Variants in CCNY observed in about 807,000 individuals in gnomAD.
CCNY encodes cyclin-Y.
CCNY carries 19 observed loss-of-function variants against 42.8 expected under a neutral mutation model. The ratio of observed to expected loss-of-function variants is 0.44; its 90% CI spans 0.31 to 0.65. The LOEUF (loss-of-function observed/expected upper bound fraction) is 0.65. CCNY is among the 30% of genes least tolerant of loss of function. CCNY has a pLI of 0.07. For missense variants in CCNY, 370 were observed against 437.3 expected (o/e 0.85, Z 1.37); for synonymous variants, 165 against 162.7 (o/e 1.01, Z -0.11).
chr10:35,408,102 G>A (rs377692562), intron 1 of CCNY, among the ~76,000 whole-genome samples: 10 of 152,326 alleles, frequency 6.6e-5, no homozygotes, highest in Non-Finnish European at 1.2e-4. Context: ...GAAAGAGGTT[G>A]AGGGATAGTG....
chr10:35,382,653 A>C (rs1276015307), intron 1 of CCNY, among the ~76,000 whole-genome samples: 1 of 152,052 alleles, frequency 6.6e-6, no homozygotes, highest in African/African-American at 2.4e-5. Flanking sequence ...TCCAGTAAAG[A>C]ATTACCGGGC....
At chr10:35,408,317 G>T (rs141652060) in intron 1 of CCNY, among the ~76,000 whole-genome samples, 10 of 152,334 alleles carry the variant, frequency 6.6e-5, no homozygotes, top group Non-Finnish European at 1.2e-4. Flanking sequence ...CATGTGAAGA[G>T]ACCACAAAAC....
intron 1 of CCNY, among the ~76,000 whole-genome samples, chr10:35,438,684 A>G (rs1029888949): frequency 1.3e-5 from 2 of 152,216 alleles, no homozygotes; most frequent in East Asian, 1.9e-4. Context: ...GTTTGCTTCA[A>G]TTGTCAAATG....
chr10:35,346,713 G>A (rs750866650), intron 1 of CCNY, among the ~76,000 whole-genome samples: 10 of 152,144 alleles, frequency 6.6e-5, no homozygotes, highest in African/African-American at 2.2e-4. Context: ...GCAAACCTCC[G>A]CCTCCTGGGC....
intron 2 of CCNY, among the ~76,000 whole-genome samples, chr10:35,498,433 A>T (rs1255103318): frequency 6.6e-6 from 1 of 152,116 alleles, no homozygotes; most frequent in Non-Finnish European, 1.5e-5. Flanking sequence ...CCCTTTAAGG[A>T]TGGCTGTCAG....
chr10:35,455,146 A>G lies in CCNY; in HGVS notation c.155-28258A>G, dbSNP rs143385883. On this transcript the variant is annotated intron_variant, in intron 1 of 9. Transcript: ENST00000374704. ...TCTGTTCCCAAAGAGCAGGTTCATT[A>G]TATCATGCCAACAAGTAGCATTTCC... is the stretch of plus-strand genomic sequence containing the variant. Among the ~76,000 whole-genome samples the G allele has an allele frequency of 3.5e-3, 540 of 152,356 alleles. 1 individual carries two copies. The highest frequency in any genetic ancestry group is 0.017 in the Middle Eastern group (5 of 294).
At chr10:35,547,476 G>A (rs895896357) in intron 7 of CCNY, among the ~76,000 whole-genome samples, 1 of 152,056 alleles carries the variant, frequency 6.6e-6, no homozygotes, top group African/African-American at 2.4e-5. Context: ...CTTCCCGTGT[G>A]CCCATAGCTG....
At chr10:35,467,931 G>C (rs1297671745) in intron 1 of CCNY, among the ~76,000 whole-genome samples, 3 of 152,208 alleles carry the variant, frequency 2.0e-5, no homozygotes, top group African/African-American at 7.2e-5. Flanking sequence ...CCTCAGATCT[G>C]TTTTTCAGGT....
intron 1 of CCNY, among the ~76,000 whole-genome samples, chr10:35,443,201 CTT>C (rs1838712988): frequency 6.6e-6 from 1 of 152,188 alleles, no homozygotes; most frequent in South Asian, 2.1e-4. Context: ...CTACCAGAGA[CTT>C]TGCAAACAGT....
At position 35,514,906 on chromosome 10, in the gene CCNY, C is replaced by T. The variant is rs115333169; in HGVS notation, c.265-1617C>T. Among the ~76,000 whole-genome samples, 1,070 of 152,158 alleles carry T rather than the reference C, an allele frequency of 7.0e-3. 11 individuals are homozygous for T. Among genetic ancestry groups the T allele is most frequent in the African/African-American group, 0.025 (1,021 of 41,504 alleles). ...GATTTTACATCTGTAGGAAAAATTC[C>T]TTAAGCATTTTTAGTTTATCACCTA... On this transcript the variant is annotated intron_variant, in intron 3 of 9. Transcript: ENST00000374704.
chr10:35,304,322 T>A (rs1835580195), intron 3 of CCNY, among the ~76,000 whole-genome samples: 2 of 51,900 alleles, frequency 3.9e-5, no homozygotes, highest in African/African-American at 1.3e-4. Flanking sequence ...TTTTTTATTT[T>A]TTTTTGAGAC....
intron 8 of CCNY, among the ~76,000 whole-genome samples, chr10:35,562,777 A>G (rs535438586): frequency 6.6e-6 from 1 of 152,156 alleles, no homozygotes; most frequent in East Asian, 1.9e-4. Context: ...AAGTGTGGCT[A>G]TGCAGATACC....
intron 2 of CCNY, among the ~76,000 whole-genome samples, chr10:35,488,053 T>C (rs1839822045): frequency 6.6e-6 from 1 of 152,320 alleles, no homozygotes. Context: ...TTAGTGTGAT[T>C]TTTAGAGATT....
chr10:35,367,782 T>C (rs1836840825), intron 1 of CCNY, among the ~76,000 whole-genome samples: 1 of 152,216 alleles, frequency 6.6e-6, no homozygotes, highest in Non-Finnish European at 1.5e-5. Context: ...AAAGTAATTT[T>C]CCTAAACCTG....
chr10:35,524,738 A>G (rs1049417076), intron 4 of CCNY, among the ~76,000 whole-genome samples: 3 of 152,236 alleles, frequency 2.0e-5, no homozygotes, highest in Non-Finnish European at 4.4e-5. Context: ...AACCCTGCCA[A>G]CCTGATAGGA....
At chr10:35,382,616 T>C (rs1837212666) in intron 1 of CCNY, among the ~76,000 whole-genome samples, 1 of 152,086 alleles carries the variant, frequency 6.6e-6, no homozygotes, top group South Asian at 2.1e-4. Flanking sequence ...AACTGTCCTG[T>C]GGTACACAGG....
At chr10:35,412,334 T>C (rs1837924537) in intron 1 of CCNY, among the ~76,000 whole-genome samples, 1 of 152,184 alleles carries the variant, frequency 6.6e-6, no homozygotes, top group Admixed American at 6.5e-5. Context: ...TGCTAAGGCA[T>C]GGAGGATTCA....
intron 1 of CCNY, among the ~76,000 whole-genome samples, chr10:35,453,957 A>G (rs542241904): frequency 2.4e-4 from 37 of 152,248 alleles, no homozygotes; most frequent in African/African-American, 8.2e-4. Flanking sequence ...GTTTCATTCC[A>G]TTTTTTAAAA....
At chr10:35,297,112 T>C (rs934493725) in intron 3 of CCNY, among the ~76,000 whole-genome samples, 2 of 150,014 alleles carry the variant, frequency 1.3e-5, no homozygotes, top group African/African-American at 2.5e-5. Flanking sequence ...CGTGATTGAG[T>C]AGACTTTACC....
Sources: gnomAD v4.1 joint callset for allele counts (sites outside exome capture counted in the v4.1 genomes callset) on GRCh38, gnomAD v4.1.1 for gene constraint, MANE v1.5 for transcripts, NCBI Gene and HGNC (gene_info 2026-07-23, HGNC 2026-07-21) for gene names.